Variants in CSDE1 observed in about 807,000 individuals in gnomAD.
CSDE1 encodes the protein cold shock domain containing E1, also known as cold shock domain-containing protein E1.
Under a neutral mutation model 89.3 loss-of-function variants are expected in CSDE1, and 17 were observed. The observed-to-expected ratio is 0.19, with a 90% CI of 0.13 to 0.29. The LOEUF (loss-of-function observed/expected upper bound fraction) is 0.29, where lower values mean the gene tolerates loss of function less well. Ranked by LOEUF, CSDE1 falls within the 10% of genes least tolerant of loss-of-function variation. The pLI, the probability that CSDE1 is intolerant of heterozygous loss-of-function variation, is 1.00. For synonymous variants in CSDE1, 322 were observed against 332.8 expected, an observed-to-expected ratio of 0.97 and a Z score of 0.35; for missense variants, 672 against 984.2, an observed-to-expected ratio of 0.68 and a Z score of 4.24.
At chr1:114,736,720 A>C (rs1219071494) in intron 6 of CSDE1, 38 bp downstream of exon 6, 6 of 1,390,718 alleles carry the variant, frequency 4.3e-6, no homozygotes, top group African/African-American at 2.9e-5. Flanking sequence ...GGAAAAAAAA[A>C]CCGCTTAGGT....
At chr1:114,756,014 A>C (rs1459745230) in intron 1 of CSDE1, among the ~76,000 whole-genome samples, 1 of 152,148 alleles carries the variant, frequency 6.6e-6, no homozygotes, top group Non-Finnish European at 1.5e-5. Flanking sequence ...TTTAAAACAA[A>C]AATCGATGGC....
At chr1:114,729,542 G>A (rs6660624) in intron 12 of CSDE1, among the ~76,000 whole-genome samples, 112,743 of 149,384 alleles carry the variant, frequency 0.75, 43,865 homozygotes, top group East Asian at 1. Context: ...AATTCCTGTC[G>A]GACTAGTTAC....
intron 19 of CSDE1, 102 bp from the exon 20 acceptor site, chr1:114,718,318 T>G (rs1428121033): frequency 1.5e-6 from 2 of 1,357,102 alleles, no homozygotes; most frequent in Non-Finnish European, 2.1e-6. Context: ...AGCATTATTT[T>G]TAATCATCTT....
chr1:114,741,731 TCA>T, intron 2 of CSDE1: 1 of 1,276,544 alleles, frequency 7.8e-7, no homozygotes, highest in Non-Finnish European at 1.0e-6. Context: ...AATGCACATT[TCA>T]CAGTCAATAT....
chr1:114,756,552 T>C (rs1661609083), intron 1 of CSDE1, among the ~76,000 whole-genome samples: 1 of 152,226 alleles, frequency 6.6e-6, no homozygotes, highest in Non-Finnish European at 1.5e-5. Context: ...GAGTAGCTTA[T>C]ATCTGTGGGC....
chr1:114,726,714 GTAAC>G (rs1220122421), intron 13 of CSDE1, among the ~76,000 whole-genome samples: 1 of 152,132 alleles, frequency 6.6e-6, no homozygotes, highest in Non-Finnish European at 1.5e-5. Flanking sequence ...TGTTTCAGTA[GTAAC>G]TGTTTTAACT....
chr1:114,755,737 A>C (rs952682676), intron 1 of CSDE1, among the ~76,000 whole-genome samples: 1 of 152,232 alleles, frequency 6.6e-6, no homozygotes, highest in Non-Finnish European at 1.5e-5. Context: ...GCTAAGAAGA[A>C]GGCACATCAA....
Position 114,734,418 on chromosome 1 carries a change from A to C in CSDE1, c.582+24T>G, listed in dbSNP as rs202111290. 5.6e-5 allele frequency: 89 copies of C among 1,602,472 alleles called. 1 individual carries two copies. In the East Asian group the frequency reaches 8.5e-4, roughly 15 times the overall value. On this transcript the variant is annotated intron_variant, in intron 7 of 19. Transcript: ENST00000358528. ...CATTTCAAGTGGCCAAAGAAAACTC[A>C]AGTTTCTCAAATTTAACACTTACCT...
chr1:114,718,297 G>GA (rs1302381836), intron 19 of CSDE1, 81 bp from the exon 20 acceptor site: 2 of 1,468,844 alleles, frequency 1.4e-6, no homozygotes, highest in Non-Finnish European at 1.9e-6. Flanking sequence ...ATTCCGAAAT[G>GA]AAACTACAAA....
intron 1 of CSDE1, among the ~76,000 whole-genome samples, chr1:114,752,139 G>A (rs904454636): frequency 3.9e-5 from 6 of 152,056 alleles, no homozygotes; most frequent in Admixed American, 2.0e-4. Context: ...GGTGGTATAC[G>A]CCTGGAGCCT....
intron 6 of CSDE1, 142 bp downstream of exon 6, chr1:114,736,616 C>T: frequency 1.7e-6 from 1 of 585,732 alleles, no homozygotes; most frequent in Non-Finnish European, 3.1e-6. Flanking sequence ...ATTCATAGAC[C>T]TCAAAGCATT....
chr1:114,754,154 G>C (rs1028580367), intron 1 of CSDE1, among the ~76,000 whole-genome samples: 1 of 151,998 alleles, frequency 6.6e-6, no homozygotes, highest in African/African-American at 2.4e-5. Context: ...AGGCCTGGCT[G>C]GCTAATTTTT....
chr1:114,755,925 G>A (rs1249373505), intron 1 of CSDE1, among the ~76,000 whole-genome samples: 3 of 152,168 alleles, frequency 2.0e-5, no homozygotes, highest in Non-Finnish European at 2.9e-5. Context: ...CCACTGAACT[G>A]TACAATGAAA....
At chr1:114,719,009 C>T (rs763103536) in intron 18 of CSDE1, 96 of 395,152 alleles carry the variant, frequency 2.4e-4, no homozygotes, top group Non-Finnish European at 4.0e-4. Context: ...ACCAGTTCCA[C>T]AGATGCATAA....
intron 15 of CSDE1, 116 bp downstream of exon 15, chr1:114,725,105 G>T: frequency 1.3e-6 from 1 of 796,204 alleles, no homozygotes; most frequent in Non-Finnish European, 2.2e-6. Context: ...GCTGTTCTAT[G>T]GAATCGCACA....
At chr1:114,737,663 G>A (rs1660478032) in intron 4 of CSDE1, 100 bp from the exon 5 acceptor site, 3 of 858,960 alleles carry the variant, frequency 3.5e-6, no homozygotes, top group Admixed American at 5.0e-5. Context: ...TATATACAGG[G>A]ATGCATTTTA....
At position 114,748,012 on chromosome 1, in the gene CSDE1, T is replaced by C. The variant is rs1208683030; in HGVS notation, c.-1+1809A>G. ...ATCAGCTAAGGTAAGAAGAAACAAA[T>C]AGAAAAACTAAATGCTACAATTACC... On this transcript the variant is annotated intron_variant, in intron 2 of 19. Transcript: ENST00000358528. Among the ~76,000 whole-genome samples, 6 of 152,122 alleles carry C rather than the reference T, an allele frequency of 3.9e-5. No homozygotes were observed. The East Asian group carries it at 1.2e-3, about 29-fold the overall frequency.
intron 16 of CSDE1, among the ~76,000 whole-genome samples, chr1:114,721,209 G>A (rs1036234919): frequency 1.3e-5 from 2 of 151,976 alleles, no homozygotes; most frequent in Non-Finnish European, 2.9e-5. Flanking sequence ...CCCTCACATA[G>A]GTTCCTTTTT....
rs775876540 is a variant in CSDE1 at position 114,736,761 on chromosome 1, T to G, written c.497A>C (p.Lys166Thr). ...AATTTAAAAAAAAAGAACTTACTGT[T>G]TATTGTTATCAATTACAAAGTTTAT... ...DKINFVIDNNKHTGAVSARNI... is the reference protein window; with the variant it reads ...DKINFVIDNNTHTGAVSARNI... Residue 166 changes from lysine to threonine, a missense_variant, in exon 6 of 20, where the codon AAA becomes ACA. This residue lies in a region of CSDE1 where 124 missense variants were observed against 138.7 expected (regional missense o/e 0.89). Transcript: ENST00000358528. 1.9e-5 allele frequency: 31 copies of G among 1,604,396 alleles called. No individual in the cohort carries two copies. The highest frequency in any genetic ancestry group is 2.3e-5 in the Non-Finnish European group (27 of 1,173,572).
Sources: gnomAD v4.1 joint callset for allele counts (sites outside exome capture counted in the v4.1 genomes callset) on GRCh38, gnomAD v4.1.1 for gene constraint, gnomAD v4.1.1 regional missense constraint, MANE v1.5 for transcripts, NCBI Gene and HGNC (gene_info 2026-07-23, HGNC 2026-07-21) for gene names.